NRG1: variants seen among roughly 807,000 people sequenced by gnomAD.
NRG1 encodes the protein neuregulin 1, also known as pro-neuregulin-1, membrane-bound isoform.
Under a neutral mutation model 63.8 loss-of-function variants are expected in NRG1, and 18 were observed. The ratio of observed to expected loss-of-function variants is 0.28; its 90% CI spans 0.19 to 0.42. NRG1 has a LOEUF of 0.42. NRG1 is among the 10% of genes least tolerant of loss of function. The pLI, the probability that NRG1 is intolerant of heterozygous loss-of-function variation, is 1.00. For missense variants in NRG1, 762 were observed against 814.7 expected (o/e 0.94, Z 0.79); for synonymous variants, 302 against 301.3 (o/e 1.00, Z -0.02).
intron 1 of NRG1, among the ~76,000 whole-genome samples, chr8:32,170,170 A>G (rs1427607747): frequency 6.6e-6 from 1 of 152,146 alleles, no homozygotes; most frequent in Non-Finnish European, 1.5e-5. Flanking sequence ...ACCATTAGAC[A>G]ATAATTTTCT....
intron 1 of NRG1, among the ~76,000 whole-genome samples, chr8:32,015,477 A>G (rs1815372840): frequency 1.3e-5 from 2 of 152,124 alleles, no homozygotes; most frequent in Admixed American, 6.6e-5. Context: ...TTAGCCCTAA[A>G]TTCTACAGGC....
At chr8:32,695,773 G>A (rs1039292440) in intron 5 of NRG1, among the ~76,000 whole-genome samples, 2 of 152,122 alleles carry the variant, frequency 1.3e-5, no homozygotes, top group Non-Finnish European at 2.9e-5. Flanking sequence ...TTAAAAATCA[G>A]GTGCTTACAA....
chr8:31,710,799 A>T (rs376169307), intron 1 of NRG1, among the ~76,000 whole-genome samples: 9 of 152,074 alleles, frequency 5.9e-5, no homozygotes, highest in African/African-American at 2.2e-4. Flanking sequence ...GATTTTAACA[A>T]GTAAATTTAA....
chr8:32,586,437 C>G (rs1168644118), intron 1 of NRG1, among the ~76,000 whole-genome samples: 2 of 152,082 alleles, frequency 1.3e-5, no homozygotes, highest in Non-Finnish European at 2.9e-5. Flanking sequence ...AACCTGCATT[C>G]ATTTTCCCTT....
intron 1 of NRG1, among the ~76,000 whole-genome samples, chr8:32,149,248 G>A (rs1314568886): frequency 4.6e-5 from 7 of 152,174 alleles, no homozygotes; most frequent in Non-Finnish European, 1.0e-4. Context: ...AAGAAGCCTG[G>A]ACTGTACCTG....
intron 1 of NRG1, among the ~76,000 whole-genome samples, chr8:31,744,540 T>C (rs993329690): frequency 6.6e-6 from 1 of 151,944 alleles, no homozygotes; most frequent in African/African-American, 2.4e-5. Flanking sequence ...CCCTGTATGC[T>C]CAGTTTCCGG....
chr8:32,744,942 G>A (rs993288442), intron 7 of NRG1, among the ~76,000 whole-genome samples: 36 of 151,994 alleles, frequency 2.4e-4, no homozygotes, highest in Non-Finnish European at 4.7e-4. Flanking sequence ...ACTTTTGGAC[G>A]ACATCCAGGA....
chr8:31,690,095 A>C (rs1204834623), intron 1 of NRG1, among the ~76,000 whole-genome samples: 4 of 152,090 alleles, frequency 2.6e-5, no homozygotes. Flanking sequence ...TTGAGATCTG[A>C]TAGTTTTCTA....
rs193036817 is a variant in NRG1 at position 32,280,867 on chromosome 8, C to A, written c.38-314961C>A. 3.2e-3 allele frequency among the ~76,000 whole-genome samples: 451 copies of A among 139,852 alleles called. 1 individual carries two copies. The highest frequency in any genetic ancestry group is 4.9e-3 in the Non-Finnish European group (326 of 66,038). The allele number at this position is 139,852 out of a possible 152,430, so 91.7% of individuals were successfully genotyped here. A position where few individuals can be genotyped will look rare whatever the true frequency, so the allele number is the denominator to read the frequency against. ...CTCCACCTCCTGGGTTCATGCTATT[C>A]TCCTGCCTCAGCCTCCCGAGTAGCT... On this transcript the variant is annotated intron_variant, in intron 1 of 10. Transcript: ENST00000519301.
intron 1 of NRG1, among the ~76,000 whole-genome samples, chr8:32,293,500 G>A (rs951082515): frequency 4.6e-5 from 7 of 152,106 alleles, no homozygotes; most frequent in African/African-American, 1.4e-4. Flanking sequence ...TTTCTGTTGT[G>A]TTAAGCCAGC....
intron 1 of NRG1, among the ~76,000 whole-genome samples, chr8:31,690,601 G>T (rs12682594): frequency 1.3e-5 from 2 of 152,150 alleles, no homozygotes; most frequent in African/African-American, 2.4e-5. Context: ...TTCTGGTGTG[G>T]ATCAGGGTGG....
At chr8:31,697,665 T>C (rs1230124554) in intron 1 of NRG1, among the ~76,000 whole-genome samples, 2 of 152,168 alleles carry the variant, frequency 1.3e-5, no homozygotes, top group African/African-American at 4.8e-5. Context: ...ATCATTTAGT[T>C]GCAGACCTAA....
At chr8:31,968,729 G>A (rs138075202) in intron 1 of NRG1, among the ~76,000 whole-genome samples, 8 of 152,120 alleles carry the variant, frequency 5.3e-5, no homozygotes, top group African/African-American at 1.9e-4. Flanking sequence ...ATTTCTCATG[G>A]TTTTTTTCTA....
chr8:32,211,939 C>T (rs1844744151), intron 1 of NRG1, among the ~76,000 whole-genome samples: 1 of 152,028 alleles, frequency 6.6e-6, no homozygotes, highest in Admixed American at 6.6e-5. Context: ...TATCTTTAGT[C>T]CATTGATGGC....
rs891774444 is a variant in NRG1, at chr8:32,537,232, G to A, written c.38-58596G>A. On this transcript the variant is annotated intron_variant, in intron 1 of 10. Transcript: ENST00000519301. ...AAAAAAAAAAAAAAGAATTCTGTTTGTCACGTTGGTCTGATTCTACTCATT... is the reference window on the plus strand; with the variant it reads ...AAAAAAAAAAAAAAGAATTCTGTTTATCACGTTGGTCTGATTCTACTCATT... 1.2e-3 allele frequency among the ~76,000 whole-genome samples: 123 copies of A among 105,090 alleles called. 3 individuals are homozygous for A. Among genetic ancestry groups the A allele is most frequent in the Non-Finnish European group, 8.2e-5 (4 of 48,792 alleles). The allele number at this position is 105,090 out of a possible 152,430, so 68.9% of individuals were successfully genotyped here.
intron 1 of NRG1, among the ~76,000 whole-genome samples, chr8:32,507,987 C>T (rs897681614): frequency 2.6e-5 from 4 of 152,166 alleles, no homozygotes; most frequent in South Asian, 2.1e-4. Flanking sequence ...CATGAGCCAC[C>T]GTACCCAGAC....
At chr8:32,412,956 G>A (rs1229291546) in intron 1 of NRG1, among the ~76,000 whole-genome samples, 1 of 151,994 alleles carries the variant, frequency 6.6e-6, no homozygotes, top group African/African-American at 2.4e-5. Flanking sequence ...TTTAAAACTG[G>A]GAAATTATAC....
At chr8:31,964,087 T>C (rs1805926053) in intron 1 of NRG1, among the ~76,000 whole-genome samples, 1 of 152,170 alleles carries the variant, frequency 6.6e-6, no homozygotes, top group African/African-American at 2.4e-5. Flanking sequence ...ACTTCTGTCA[T>C]GGATAGCAGG....
chr8:32,712,774 A>C (rs1443988209), intron 5 of NRG1, among the ~76,000 whole-genome samples: 3 of 152,104 alleles, frequency 2.0e-5, no homozygotes, highest in Non-Finnish European at 4.4e-5. Context: ...TCCTACCATT[A>C]CTGTGGTAGT....
Sources: allele counts gnomAD v4.1 joint callset (sites outside exome capture counted in the v4.1 genomes callset), GRCh38; gene constraint gnomAD v4.1.1; transcripts MANE v1.5; gene names NCBI Gene and HGNC (gene_info 2026-07-23, HGNC 2026-07-21).